The following CDS2 variants were observed in gnomAD, a reference collection of about 807,000 sequenced individuals.
CDS2 encodes the protein phosphatidate cytidylyltransferase 2.
In CDS2, 47 loss-of-function variants were observed where a neutral mutation model predicts 59.0. The ratio of observed to expected loss-of-function variants is 0.80; its 90% confidence interval spans 0.63 to 1.02. The LOEUF is 1.02. Ranked by LOEUF, CDS2 falls within the 50% of genes least tolerant of loss-of-function variation. The pLI is 0.00. For synonymous variants in CDS2, 207 were observed against 206.4 expected (o/e 1.00, Z -0.02); for missense variants, 356 against 558.9 (o/e 0.64, Z 3.66).
At chr20:5,175,382 G>C in intron 3 of CDS2, 103 bp downstream of exon 3, 1 of 876,426 alleles carries the variant, frequency 1.1e-6, no homozygotes. Context: ...ATTGACGGGG[G>C]TCCAGGCTTC....
At position 5,196,135 on chromosome 20, in the gene CDS2, A is replaced by T. The variant is rs2091155597; in HGVS notation, c.*5901A>T. ...CATTGCTATTAATAGTATGGAAATAATGGTCCCTCTGTTTCATTGAATTGC... is the reference window on the plus strand; with the variant it reads ...CATTGCTATTAATAGTATGGAAATATTGGTCCCTCTGTTTCATTGAATTGC... On this transcript the variant is annotated 3_prime_UTR_variant, in exon 13 of 13. Coordinates refer to ENST00000460006, the MANE Select transcript of CDS2 (RefSeq NM_003818.4). 6.6e-6 allele frequency: 1 copy of T among 152,122 alleles called. No individual in the cohort carries two copies. Among genetic ancestry groups the T allele is most frequent in the African/African-American group, 2.4e-5 (1 of 41,410 alleles). The allele number at this position is 152,122 out of a possible 1,614,324, so 9.4% of individuals were successfully genotyped here.
chr20:5,159,277 T>G (rs2090857671), intron 1 of CDS2, among the ~76,000 whole-genome samples: 1 of 151,484 alleles, frequency 6.6e-6, no homozygotes, highest in Non-Finnish European at 1.5e-5. Flanking sequence ...GCTGCACCCA[T>G]TAACTCGTCA....
chr20:5,173,647 A>C lies in CDS2; in HGVS notation c.182A>C (p.Asn61Thr), dbSNP rs1185519007. The change falls in exon 2 of 13, where the codon AAC becomes ACC. Residue 61 changes from asparagine to threonine, a missense_variant. Around this residue, in one of 5 missense-constraint regions of CDS2, gnomAD observed 107 missense variants for 129.7 expected, o/e 0.82. Transcript: ENST00000460006. ...TPEVLNRALS[N>T]LSSRWKNWWV... ...GAGGTCCTCAATAGGGCCCTTTCCA[A>C]CTTGTCTTCAAGGTAACCTGGCTTA... 1 of 1,614,054 alleles carries C rather than the reference A, an allele frequency of 6.2e-7. No homozygotes were observed. The highest frequency in any genetic ancestry group is 1.7e-4 in the Middle Eastern group (1 of 6,058).
intron 1 of CDS2, among the ~76,000 whole-genome samples, chr20:5,144,820 A>AG (rs11379853): frequency 0.012 from 1,865 of 152,226 alleles, 46 homozygotes; most frequent in African/African-American, 0.041. Flanking sequence ...AGGGTTTCCA[A>AG]CTGTGTTGGC....
At chr20:5,144,447 T>G (rs1486593890) in intron 1 of CDS2, among the ~76,000 whole-genome samples, 1 of 152,152 alleles carries the variant, frequency 6.6e-6, no homozygotes, top group Non-Finnish European at 1.5e-5. Flanking sequence ...TGAGGTCGCC[T>G]TAGTGTTGGT....
intron 1 of CDS2, among the ~76,000 whole-genome samples, chr20:5,151,635 T>C (rs2090790283): frequency 2.0e-5 from 3 of 151,730 alleles, no homozygotes; most frequent in African/African-American, 7.3e-5. Flanking sequence ...GGTGGGGTCT[T>C]GCTGTGTTGC....
intron 1 of CDS2, among the ~76,000 whole-genome samples, chr20:5,148,593 G>A (rs2090763496): frequency 6.6e-6 from 1 of 152,158 alleles, no homozygotes; most frequent in African/African-American, 2.4e-5. Flanking sequence ...CCCTTCAACT[G>A]TAGGTTTATG....
At chr20:5,132,363 G>T (rs1386907868) in intron 1 of CDS2, among the ~76,000 whole-genome samples, 2 of 152,138 alleles carry the variant, frequency 1.3e-5, no homozygotes, top group Non-Finnish European at 2.9e-5. Flanking sequence ...CTCCTGAAGT[G>T]CTGGGATTAC....
chr20:5,178,160 A>G (rs939988339), intron 4 of CDS2, among the ~76,000 whole-genome samples: 3 of 152,230 alleles, frequency 2.0e-5, no homozygotes, highest in Non-Finnish European at 4.4e-5. Context: ...GAGAGAATAC[A>G]CAAGTGAAGA....
chr20:5,143,554 C>T (rs1481074297), intron 1 of CDS2, among the ~76,000 whole-genome samples: 1 of 151,972 alleles, frequency 6.6e-6, no homozygotes, highest in Non-Finnish European at 1.5e-5. Flanking sequence ...AATAATGCTG[C>T]TAGGAACATG....
intron 1 of CDS2, among the ~76,000 whole-genome samples, chr20:5,139,965 A>G (rs958953149): frequency 6.6e-6 from 1 of 152,046 alleles, no homozygotes; most frequent in African/African-American, 2.4e-5. Flanking sequence ...ACGCCCAGCT[A>G]ATTTTTGGTA....
chr20:5,164,642 ATTCC>A (rs1185414051), intron 1 of CDS2, among the ~76,000 whole-genome samples: 8 of 151,734 alleles, frequency 5.3e-5, no homozygotes, highest in African/African-American at 1.9e-4. Flanking sequence ...AAAAAAAAAA[ATTCC>A]TTCCTTCCCC....
At chr20:5,188,414 C>T (rs537986822) in intron 10 of CDS2, among the ~76,000 whole-genome samples, 25 of 152,314 alleles carry the variant, frequency 1.6e-4, no homozygotes, top group African/African-American at 3.4e-4. Flanking sequence ...TATGTATCTG[C>T]GTACGGCTGG....
intron 1 of CDS2, among the ~76,000 whole-genome samples, chr20:5,127,439 C>T (rs1484962791): frequency 6.6e-6 from 1 of 152,144 alleles, no homozygotes; most frequent in East Asian, 1.9e-4. Flanking sequence ...GGGCTGGCTG[C>T]GGGGACTCCC....
chr20:5,149,224 G>A (rs6053158), intron 1 of CDS2, among the ~76,000 whole-genome samples: 4,067 of 152,116 alleles, frequency 0.027, 74 homozygotes, highest in East Asian at 0.08. Context: ...ATTGTTTCTC[G>A]TGGCCGTTTT....
chr20:5,140,854 A>G (rs1264709477), intron 1 of CDS2, among the ~76,000 whole-genome samples: 1 of 152,228 alleles, frequency 6.6e-6, no homozygotes, highest in African/African-American at 2.4e-5. Flanking sequence ...CTCTAGTTCT[A>G]AGTGCTGGTT....
chr20:5,186,028 C>G (rs779237487), intron 9 of CDS2, among the ~76,000 whole-genome samples: 31 of 152,262 alleles, frequency 2.0e-4, no homozygotes, highest in African/African-American at 6.8e-4. Context: ...AGAGCACCTT[C>G]TATGCCCTCT....
intron 2 of CDS2, among the ~76,000 whole-genome samples, chr20:5,174,253 C>A (rs953380431): frequency 6.6e-6 from 1 of 152,230 alleles, no homozygotes; most frequent in East Asian, 1.9e-4. Flanking sequence ...CCTATGTGTG[C>A]CTCCAACTGT....
chr20:5,138,722 G>T (rs949790068), intron 1 of CDS2, among the ~76,000 whole-genome samples: 1 of 151,912 alleles, frequency 6.6e-6, no homozygotes, highest in East Asian at 2.0e-4. Flanking sequence ...CTGACCTCAG[G>T]TGATCCACAT....
Sources: allele counts gnomAD v4.1 joint callset (sites outside exome capture counted in the v4.1 genomes callset), GRCh38; gene constraint gnomAD v4.1.1; regional missense constraint gnomAD v4.1.1; transcripts MANE v1.5; gene names NCBI Gene and HGNC (gene_info 2026-07-23, HGNC 2026-07-21).